BTBD9: variants seen among roughly 807,000 people sequenced by gnomAD.
BTBD9 encodes the protein BTB domain containing 9.
A neutral mutation model predicts 64.3 loss-of-function variants in BTBD9; 49 were observed. The observed-to-expected ratio is 0.76, with a 90% CI of 0.61 to 0.97. The LOEUF (loss-of-function observed/expected upper bound fraction) is 0.97, where lower values mean the gene tolerates loss of function less well. Ranked by LOEUF, BTBD9 falls within the 50% of genes least tolerant of loss-of-function variation. The probability of loss-of-function intolerance (pLI) is 0.00; values close to 1 mark genes in which losing one functional copy is unlikely to be tolerated. For missense variants in BTBD9, 598 were observed against 762.1 expected (o/e 0.78, Z 2.53); for synonymous variants, 260 against 274.7 (o/e 0.95, Z 0.53).
At chr6:38,193,734 C>A in intron 9 of BTBD9, 1 of 816,584 alleles carries the variant, frequency 1.2e-6, no homozygotes, top group Non-Finnish European at 1.4e-6. Context: ...GTGGAAATGC[C>A]AGCTGCTGGA....
chr6:38,588,148 G>C lies in BTBD9; in HGVS notation c.814+4428C>G, dbSNP rs764929515. The C allele has an allele frequency of 1.7e-4, 127 of 755,476 alleles. 3 individuals carry two copies. The Middle Eastern group carries it at 4.9e-3, about 29-fold the overall frequency. The allele number at this position is 755,476 out of a possible 1,614,324, so 46.8% of individuals were successfully genotyped here. A position where few individuals can be genotyped will look rare whatever the true frequency, so the allele number is the denominator to read the frequency against. On this transcript the variant is annotated intron_variant, in intron 4 of 10. Transcript: ENST00000481247. ...AGCAGCCTCAACAGTATGGTATTCA[G>C]TATTCAAAAAGCCAGAGTCAGCAGA...
intron 6 of BTBD9, among the ~76,000 whole-genome samples, chr6:38,348,591 C>G (rs1764381466): frequency 6.6e-6 from 1 of 152,194 alleles, no homozygotes; most frequent in Non-Finnish European, 1.5e-5. Flanking sequence ...TCCACGTGAG[C>G]CATAGTGTAA....
chr6:38,561,175 G>A (rs1582635086), intron 6 of BTBD9, among the ~76,000 whole-genome samples: 1 of 152,150 alleles, frequency 6.6e-6, no homozygotes, highest in Non-Finnish European at 1.5e-5. Flanking sequence ...TTCCACAGTG[G>A]TTGAACTAAT....
intron 6 of BTBD9, among the ~76,000 whole-genome samples, chr6:38,557,170 AC>A (rs1356284855): frequency 2.0e-5 from 3 of 151,312 alleles, no homozygotes; most frequent in African/African-American, 7.3e-5. Flanking sequence ...ACATGGCAAA[AC>A]CCCGTCTCTA....
Position 38,592,607 on chromosome 6 carries a change from C to T in BTBD9, c.783G>A (p.Arg261=), listed in dbSNP as rs1324633477. 2.5e-6 allele frequency: 4 copies of T among 1,613,892 alleles called. No homozygotes were observed. The highest frequency in any genetic ancestry group is 2.7e-5 in the African/African-American group (2 of 74,860). Residue 261 remains arginine (R), a synonymous_variant, in exon 4 of 11, where the codon CGG becomes CGA. Transcript: ENST00000481247. The part of the protein sequence containing the change: ...LDAIKVRSES[R]DMDLNYRGML... ...TGCCTCTATAATTGAGGTCCATATC[C>T]CGGCTCTCAGATCGCACTTTAATGG...
chr6:38,374,314 T>C lies in BTBD9; in HGVS notation c.1155-29221A>G, dbSNP rs1442295511. Among the ~76,000 whole-genome samples the C allele has an allele frequency of 1.4e-4, 16 of 116,892 alleles. 2 individuals are homozygous for C. The highest frequency in any genetic ancestry group is 2.7e-4 in the South Asian group (1 of 3,698). The allele number at this position is 116,892 out of a possible 152,430, so 76.7% of individuals were successfully genotyped here. A position where few individuals can be genotyped will look rare whatever the true frequency, so the allele number is the denominator to read the frequency against. On this transcript the variant is annotated intron_variant, in intron 6 of 10. Coordinates refer to ENST00000481247, the MANE Select transcript of BTBD9 (RefSeq NM_001099272.2). ...ATATATATGTATATATATGTATATA[T>C]ATATATATATATGTATATAAAATCT...
chr6:38,592,775 G>A lies in BTBD9; in HGVS notation c.615C>T (p.Ala205=), dbSNP rs753155420. The A allele has an allele frequency of 8.7e-6, 14 of 1,614,028 alleles. No individual in the cohort carries two copies. Among genetic ancestry groups the A allele is most frequent in the Middle Eastern group, 3.3e-4 (2 of 6,084 alleles). ...FAAPEKDIFL[A]LLNWCKHNSK... is the part of the protein sequence containing the mutation. ...AATTGTGCTTACACCAGTTTAATAA[G>A]GCTAGGAAAATATCTTTTTCGGGAG... Residue 205 remains alanine, a synonymous_variant, in exon 4 of 11, where the codon GCC becomes GCT. Transcript: ENST00000481247.
intron 9 of BTBD9, among the ~76,000 whole-genome samples, chr6:38,225,813 C>CGG (rs1332574730): frequency 4.6e-5 from 7 of 152,156 alleles, no homozygotes; most frequent in African/African-American, 1.4e-4. Context: ...ACAATCTAGT[C>CGG]AGAACGACCT....
chr6:38,580,932 C>T (rs1360792154), intron 4 of BTBD9, among the ~76,000 whole-genome samples: 1 of 152,148 alleles, frequency 6.6e-6, no homozygotes, highest in Middle Eastern at 3.2e-3. Context: ...GTGGCTCATG[C>T]CTGTAATCCC....
chr6:38,271,923 T>C (rs561826665), intron 8 of BTBD9, among the ~76,000 whole-genome samples: 1 of 151,626 alleles, frequency 6.6e-6, no homozygotes, highest in South Asian at 2.1e-4. Flanking sequence ...TTGGCTTGCC[T>C]TTCACCCTAA....
chr6:38,457,935 C>T (rs1040323206), intron 6 of BTBD9, among the ~76,000 whole-genome samples: 4 of 152,006 alleles, frequency 2.6e-5, no homozygotes, highest in Non-Finnish European at 4.4e-5. Flanking sequence ...CTAAGTGTTG[C>T]GGAACTCACA....
chr6:38,275,619 CA>C (rs1765360220), intron 8 of BTBD9, among the ~76,000 whole-genome samples: 1 of 151,110 alleles, frequency 6.6e-6, no homozygotes, highest in African/African-American at 2.4e-5. Flanking sequence ...GGCTAATATC[CA>C]GAATCTACAA....
At chr6:38,440,793 T>G (rs964830897) in intron 6 of BTBD9, among the ~76,000 whole-genome samples, 1 of 152,210 alleles carries the variant, frequency 6.6e-6, no homozygotes, top group Admixed American at 6.5e-5. Flanking sequence ...TAAACATTTA[T>G]GTATATTTTA....
chr6:38,536,426 C>T (rs961617986), intron 6 of BTBD9, among the ~76,000 whole-genome samples: 1 of 152,100 alleles, frequency 6.6e-6, no homozygotes, highest in Non-Finnish European at 1.5e-5. Context: ...GGAGATTCCT[C>T]ACAAAACTAA....
intron 6 of BTBD9, among the ~76,000 whole-genome samples, chr6:38,404,928 T>C (rs945117350): frequency 6.6e-6 from 1 of 152,216 alleles, no homozygotes; most frequent in Non-Finnish European, 1.5e-5. Context: ...CTTTTCAGTG[T>C]TGTAAAATTC....
chr6:38,277,622 C>G (rs903399289), intron 8 of BTBD9, among the ~76,000 whole-genome samples: 8 of 152,150 alleles, frequency 5.3e-5, no homozygotes, highest in African/African-American at 1.9e-4. Context: ...GCGTGAGCCA[C>G]CATGCCCAGC....
intron 9 of BTBD9, among the ~76,000 whole-genome samples, chr6:38,235,454 AC>A (rs1763744565): frequency 6.6e-6 from 1 of 152,148 alleles, no homozygotes; most frequent in Non-Finnish European, 1.5e-5. Flanking sequence ...TGATTCTGAA[AC>A]CTGAGCTAGT....
chr6:38,615,812 C>A (rs920261259), intron 1 of BTBD9, among the ~76,000 whole-genome samples: 1 of 152,148 alleles, frequency 6.6e-6, no homozygotes, highest in African/African-American at 2.4e-5. Flanking sequence ...TGTGTGAATG[C>A]TTAAAGTAAT....
At chr6:38,431,340 T>C (rs1482386703) in intron 6 of BTBD9, among the ~76,000 whole-genome samples, 2 of 152,210 alleles carry the variant, frequency 1.3e-5, no homozygotes, top group Non-Finnish European at 2.9e-5. Flanking sequence ...GAACACAGTA[T>C]GTGTCCAGTT....
Sources: gnomAD v4.1 joint callset for allele counts (sites outside exome capture counted in the v4.1 genomes callset) on GRCh38, gnomAD v4.1.1 for gene constraint, MANE v1.5 for transcripts, NCBI Gene and HGNC (gene_info 2026-07-23, HGNC 2026-07-21) for gene names.